WDPCP: variants seen among roughly 807,000 people sequenced by gnomAD.
The protein encoded by WDPCP is WD repeat-containing and planar cell polarity effector protein fritz homolog.
WDPCP carries 71 observed loss-of-function variants against 93.1 expected under a neutral mutation model. That is an observed-to-expected ratio of 0.76 (90% CI 0.63 to 0.93). The LOEUF is 0.93. Among genes scored for constraint, WDPCP ranks in the 40% least tolerant of loss-of-function variants. The probability of loss-of-function intolerance (pLI) is 0.00; values close to 1 mark genes in which losing one functional copy is unlikely to be tolerated. For missense variants in WDPCP, 844 were observed against 887.4 expected (o/e 0.95, Z 0.62); for synonymous variants, 315 against 315.0 (o/e 1.00, Z 0.00).
intron 15 of WDPCP, among the ~76,000 whole-genome samples, chr2:63,156,044 G>C (rs1672224159): frequency 6.6e-6 from 1 of 152,102 alleles, no homozygotes; most frequent in African/African-American, 2.4e-5. Flanking sequence ...CTGTTGCTCA[G>C]ACTGGAGAGC....
chr2:63,528,071 GTT>G (rs988179167), intron 1 of WDPCP, among the ~76,000 whole-genome samples: 21 of 151,898 alleles, frequency 1.4e-4, no homozygotes, highest in African/African-American at 4.6e-4. Flanking sequence ...GGGTTTATTT[GTT>G]TTTTTCTTGT....
intron 2 of WDPCP, among the ~76,000 whole-genome samples, chr2:63,806,655 C>G (rs183346907): frequency 2.0e-5 from 3 of 152,186 alleles, no homozygotes; most frequent in African/African-American, 7.2e-5. Context: ...TAAAAAATGA[C>G]CACGCCCCGG....
intron 1 of WDPCP, among the ~76,000 whole-genome samples, chr2:63,566,806 T>C (rs1410594300): frequency 6.6e-6 from 1 of 152,258 alleles, no homozygotes; most frequent in Non-Finnish European, 1.5e-5. Context: ...ATGTTGTTGC[T>C]GATACTTATG....
chr2:63,377,454 C>G (rs1440551865), intron 12 of WDPCP, among the ~76,000 whole-genome samples: 2 of 150,952 alleles, frequency 1.3e-5, no homozygotes, highest in Non-Finnish European at 3.0e-5. Flanking sequence ...TACATATATG[C>G]AAACATACAC....
intron 1 of WDPCP, among the ~76,000 whole-genome samples, chr2:63,825,839 G>A (rs1313431478): frequency 6.6e-6 from 1 of 152,042 alleles, no homozygotes; most frequent in African/African-American, 2.4e-5. Flanking sequence ...TAACTCCAAA[G>A]AAGACAAGGA....
chr2:63,482,702 G>A (rs1470094369), intron 6 of WDPCP, among the ~76,000 whole-genome samples: 2 of 151,942 alleles, frequency 1.3e-5, no homozygotes, highest in East Asian at 3.9e-4. Context: ...TTAAATATGT[G>A]AAGACTAACC....
intron 2 of WDPCP, among the ~76,000 whole-genome samples, chr2:63,683,649 G>C (rs1359344950): frequency 6.6e-6 from 1 of 152,124 alleles, no homozygotes; most frequent in African/African-American, 2.4e-5. Context: ...AAGAGATGGA[G>C]ATCAGCCTGG....
chr2:63,492,483 T>A (rs1205357835), intron 2 of WDPCP, among the ~76,000 whole-genome samples: 1 of 151,936 alleles, frequency 6.6e-6, no homozygotes, highest in Non-Finnish European at 1.5e-5. Context: ...ATCTTTTTTT[T>A]TTACCATTCA....
At chr2:63,694,263 G>A (rs955594949) in intron 2 of WDPCP, among the ~76,000 whole-genome samples, 48 of 152,108 alleles carry the variant, frequency 3.2e-4, no homozygotes. Context: ...ATACTTTTTA[G>A]TTGACAATAT....
rs1338130714 is a variant in WDPCP at position 63,484,984 on chromosome 2, C to T, written c.257G>A (p.Arg86Gln). 5.6e-6 allele frequency: 9 copies of T among 1,612,372 alleles called. No homozygotes were observed. Among genetic ancestry groups the T allele is most frequent in the South Asian group, 5.5e-5 (5 of 91,042 alleles). Residue 86 changes from arginine to glutamine, a missense_variant, in exon 5 of 18, where the codon CGA becomes CAA. Arg to Gln is a conservative substitution (Grantham distance 43, BLOSUM62 1). Coordinates refer to ENST00000272321, the MANE Select transcript of WDPCP (RefSeq NM_015910.7). ...GTTTTTGAGCGTCCAAGGATAATCT[C>T]GTGCTGGCAAATAAAACATGTACTA... ...LEKKQKLAES[R>Q]DYPWTLKNRR...
At chr2:63,259,262 T>TATTG (rs774513186) in intron 14 of WDPCP, 45 bp downstream of exon 14, 6 of 1,465,648 alleles carry the variant, frequency 4.1e-6, no homozygotes, top group Non-Finnish European at 5.7e-6. Flanking sequence ...TGATACTAAC[T>TATTG]ATTGATTAAA....
chr2:63,154,283 A>T (rs964709681), intron 15 of WDPCP, among the ~76,000 whole-genome samples: 2 of 152,032 alleles, frequency 1.3e-5, no homozygotes, highest in African/African-American at 4.8e-5. Flanking sequence ...CATGCCAAAA[A>T]ACCCTCCCTT....
At chr2:63,581,889 G>C (rs1390559833) in intron 1 of WDPCP, among the ~76,000 whole-genome samples, 1 of 151,674 alleles carries the variant, frequency 6.6e-6, no homozygotes, top group Admixed American at 6.6e-5. Context: ...CACACCTGTA[G>C]TCCCAGCTAT....
At chr2:63,473,682 T>C (rs1415519466) in intron 6 of WDPCP, among the ~76,000 whole-genome samples, 1 of 152,214 alleles carries the variant, frequency 6.6e-6, no homozygotes, top group African/African-American at 2.4e-5. Flanking sequence ...TCACAGCCTT[T>C]TTATTCTCTT....
intron 1 of WDPCP, among the ~76,000 whole-genome samples, chr2:63,572,642 G>A (rs1315505493): frequency 7.9e-6 from 1 of 126,396 alleles, no homozygotes; most frequent in Non-Finnish European, 1.6e-5. Context: ...GGTGGAGGTT[G>A]CAGTGAGCCC....
intron 14 of WDPCP, among the ~76,000 whole-genome samples, chr2:63,253,015 T>C (rs1240886645): frequency 2.0e-5 from 3 of 152,102 alleles, no homozygotes; most frequent in African/African-American, 7.2e-5. Flanking sequence ...CTTTAAACTA[T>C]ACTACAAGTC....
At chr2:63,331,984 G>C (rs1269954920) in intron 12 of WDPCP, among the ~76,000 whole-genome samples, 2 of 151,736 alleles carry the variant, frequency 1.3e-5, no homozygotes, top group African/African-American at 4.8e-5. Context: ...GGTCATTTGA[G>C]ATGTTCCCAT....
chr2:63,683,194 A>G (rs1385082226), intron 2 of WDPCP, among the ~76,000 whole-genome samples: 1 of 152,192 alleles, frequency 6.6e-6, no homozygotes, highest in Non-Finnish European at 1.5e-5. Context: ...AGAAGACCAC[A>G]AAACAACCAG....
chr2:63,834,271 T>C, the WDPCP span, among the ~76,000 whole-genome samples: 1 of 152,312 alleles, frequency 6.6e-6, no homozygotes, highest in South Asian at 2.1e-4. Context: ...ATTACCCAAA[T>C]AGTCTGTTTT....
Sources: allele counts gnomAD v4.1 joint callset (sites outside exome capture counted in the v4.1 genomes callset), GRCh38; gene constraint gnomAD v4.1.1; transcripts MANE v1.5; gene names NCBI Gene and HGNC (gene_info 2026-07-23, HGNC 2026-07-21).